Variants in SLC24A2 observed in about 807,000 individuals in gnomAD.
SLC24A2 encodes the protein sodium/potassium/calcium exchanger 2.
SLC24A2 carries 36 observed loss-of-function variants against 62.0 expected under a neutral mutation model. That is an observed-to-expected ratio of 0.58 (90% CI 0.44 to 0.77). The LOEUF (loss-of-function observed/expected upper bound fraction) is 0.77, where lower values mean the gene tolerates loss of function less well. Among genes scored for constraint, SLC24A2 ranks in the 30% least tolerant of loss-of-function variants. SLC24A2 has a pLI of 0.00. For synonymous variants in SLC24A2, 358 were observed against 294.0 expected (o/e 1.22, Z -2.23); for missense variants, 846 against 817.9 (o/e 1.03, Z -0.42).
At chr9:20,004,911 T>C in the SLC24A2 span, among the ~76,000 whole-genome samples, 1 of 151,668 alleles carries the variant, frequency 6.6e-6, no homozygotes, top group Non-Finnish European at 1.5e-5. Flanking sequence ...TCACTTTTTT[T>C]GAAAAAAAAG....
the SLC24A2 span, among the ~76,000 whole-genome samples, chr9:19,959,663 A>G: frequency 6.6e-6 from 1 of 152,210 alleles, no homozygotes; most frequent in Non-Finnish European, 1.5e-5. Context: ...GAAGGATTCA[A>G]AACTAGAAAA....
chr9:20,060,519 C>G, the SLC24A2 span, among the ~76,000 whole-genome samples: 1 of 151,968 alleles, frequency 6.6e-6, no homozygotes, highest in Non-Finnish European at 1.5e-5. Context: ...CTTTTATACA[C>G]CGTTGTAAAG....
chr9:20,220,427 G>C, the SLC24A2 span, among the ~76,000 whole-genome samples: 1 of 152,244 alleles, frequency 6.6e-6, no homozygotes, highest in Non-Finnish European at 1.5e-5. Flanking sequence ...TATTCAATCA[G>C]AGCTCCATAT....
chr9:19,591,247 C>G (rs909498244), intron 5 of SLC24A2, among the ~76,000 whole-genome samples: 1 of 152,204 alleles, frequency 6.6e-6, no homozygotes, highest in African/African-American at 2.4e-5. Context: ...CTCAACATCT[C>G]CATTTGGATG....
the SLC24A2 span, among the ~76,000 whole-genome samples, chr9:19,936,239 C>T: frequency 6.6e-6 from 1 of 152,010 alleles, no homozygotes; most frequent in Non-Finnish European, 1.5e-5. Context: ...TGACCTCATT[C>T]TTCTTGAATT....
the SLC24A2 span, among the ~76,000 whole-genome samples, chr9:19,980,137 G>A: frequency 1.3e-5 from 2 of 152,200 alleles, no homozygotes; most frequent in Non-Finnish European, 2.9e-5. Context: ...GGCTTTGAAG[G>A]ATGGGAAGAG....
At chr9:19,839,118 C>T in the SLC24A2 span, among the ~76,000 whole-genome samples, 1 of 152,146 alleles carries the variant, frequency 6.6e-6, no homozygotes, top group Non-Finnish European at 1.5e-5. Context: ...GACATTTATG[C>T]AGCCAAAAAA....
the SLC24A2 span, among the ~76,000 whole-genome samples, chr9:20,007,171 A>G: frequency 0.018 from 2,771 of 152,290 alleles, 100 homozygotes; most frequent in South Asian, 0.11. Context: ...GAGCAAATAA[A>G]AAACAGTTTT....
At chr9:19,842,620 C>A in the SLC24A2 span, among the ~76,000 whole-genome samples, 1 of 152,180 alleles carries the variant, frequency 6.6e-6, no homozygotes, top group Admixed American at 6.5e-5. Flanking sequence ...GGTTTAGAGA[C>A]CTTAGTCTCC....
chr9:19,566,527 G>A (rs1273610126), intron 7 of SLC24A2, among the ~76,000 whole-genome samples: 1 of 151,770 alleles, frequency 6.6e-6, no homozygotes, highest in Non-Finnish European at 1.5e-5. Flanking sequence ...CTGTAAACTA[G>A]TTCAACCATT....
At chr9:19,887,391 C>T in the SLC24A2 span, among the ~76,000 whole-genome samples, 1 of 152,034 alleles carries the variant, frequency 6.6e-6, no homozygotes, top group South Asian at 2.1e-4. Context: ...TTTTGCTGTA[C>T]AGATGAATGG....
At chr9:19,925,130 C>T in the SLC24A2 span, among the ~76,000 whole-genome samples, 9 of 152,172 alleles carry the variant, frequency 5.9e-5, no homozygotes, top group East Asian at 3.9e-4. Context: ...CTGGTGACCC[C>T]ACAGACCTGC....
the SLC24A2 span, among the ~76,000 whole-genome samples, chr9:20,010,684 T>C: frequency 1.3e-5 from 2 of 152,210 alleles, no homozygotes; most frequent in African/African-American, 4.8e-5. Flanking sequence ...TATGTATACA[T>C]GTGCCATGTT....
chr9:19,693,352 T>C (rs1820096029), intron 2 of SLC24A2, among the ~76,000 whole-genome samples: 2 of 152,168 alleles, frequency 1.3e-5, no homozygotes, highest in Non-Finnish European at 1.5e-5. Context: ...TTTGTCTATA[T>C]ATGAATGCAG....
chr9:20,213,099 T>G, the SLC24A2 span, among the ~76,000 whole-genome samples: 1 of 151,664 alleles, frequency 6.6e-6, no homozygotes, highest in Non-Finnish European at 1.5e-5. Flanking sequence ...GGTGATGGGT[T>G]GATAAGTGCA....
chr9:19,534,872 C>A (rs577356577), intron 8 of SLC24A2, among the ~76,000 whole-genome samples: 2 of 152,100 alleles, frequency 1.3e-5, no homozygotes, highest in South Asian at 4.2e-4. Flanking sequence ...GGGTATATAC[C>A]CAGTAATGAG....
the SLC24A2 span, among the ~76,000 whole-genome samples, chr9:20,073,917 G>GAGAT: frequency 1.0e-5 from 1 of 98,334 alleles, no homozygotes; most frequent in South Asian, 4.4e-4. Context: ...TCCTTGTGGG[G>GAGAT]AGATATATAT....
chr9:20,070,430 C>T, the SLC24A2 span, among the ~76,000 whole-genome samples: 2 of 152,210 alleles, frequency 1.3e-5, no homozygotes, highest in Non-Finnish European at 2.9e-5. Context: ...AGCTTTGTCT[C>T]ATAAACAGGT....
chr9:20,220,802 T>C, the SLC24A2 span, among the ~76,000 whole-genome samples: 33 of 152,136 alleles, frequency 2.2e-4, 1 homozygote, highest in Non-Finnish European at 4.1e-4. Flanking sequence ...TTGAGATATA[T>C]TTCTCATCAT....
Sources: gnomAD v4.1 joint callset for allele counts (sites outside exome capture counted in the v4.1 genomes callset) on GRCh38, gnomAD v4.1.1 for gene constraint, MANE v1.5 for transcripts, NCBI Gene and HGNC (gene_info 2026-07-23, HGNC 2026-07-21) for gene names.